Variants in MYT1L observed in about 807,000 individuals in gnomAD.
The protein encoded by MYT1L is myelin transcription factor 1 like.
MYT1L carries 12 observed loss-of-function variants against 126.7 expected under a neutral mutation model. That is an observed-to-expected ratio of 0.09 (90% CI 0.06 to 0.15). MYT1L has a LOEUF of 0.15. Among genes scored for constraint, MYT1L ranks in the 10% least tolerant of loss-of-function variants. MYT1L has a pLI of 1.00. For synonymous variants in MYT1L, 541 were observed against 604.2 expected (o/e 0.90, Z 1.53); for missense variants, 979 against 1,585.2 (o/e 0.62, Z 6.49).
intron 18 of MYT1L, among the ~76,000 whole-genome samples, chr2:1,870,092 T>C (rs1252479226): frequency 6.6e-6 from 1 of 152,222 alleles, no homozygotes; most frequent in Non-Finnish European, 1.5e-5. Flanking sequence ...TGTTGCATGA[T>C]GTCAGTTCTG....
chr2:2,216,061 C>CAGT (rs1441055233), intron 2 of MYT1L, among the ~76,000 whole-genome samples: 18 of 96,786 alleles, frequency 1.9e-4, no homozygotes, highest in Non-Finnish European at 3.2e-4. Context: ...CTCTCTCTCT[C>CAGT]TCTCAGTTCC....
chr2:1,983,495 G>C (rs2060764025), intron 5 of MYT1L, among the ~76,000 whole-genome samples: 1 of 152,226 alleles, frequency 6.6e-6, no homozygotes, highest in Non-Finnish European at 1.5e-5. Context: ...AATGCCAGGA[G>C]GTTTTCATTT....
intron 16 of MYT1L, among the ~76,000 whole-genome samples, chr2:1,888,765 T>C (rs2048459813): frequency 6.6e-6 from 1 of 152,222 alleles, no homozygotes; most frequent in South Asian, 2.1e-4. Context: ...ACTAAAATAG[T>C]TTATTCAAGG....
intron 3 of MYT1L, among the ~76,000 whole-genome samples, chr2:2,079,322 T>G: frequency 6.6e-6 from 1 of 152,206 alleles, no homozygotes; most frequent in East Asian, 1.9e-4. Context: ...AAAAGCTATA[T>G]TATATTGTTT....
chr2:2,208,554 T>C (rs2093394539), intron 2 of MYT1L, among the ~76,000 whole-genome samples: 1 of 152,234 alleles, frequency 6.6e-6, no homozygotes, highest in Non-Finnish European at 1.5e-5. Flanking sequence ...TATTCTCATA[T>C]ACTGACATAC....
At chr2:1,859,936 G>A (rs991835803) in intron 18 of MYT1L, among the ~76,000 whole-genome samples, 3 of 152,244 alleles carry the variant, frequency 2.0e-5, no homozygotes, top group Non-Finnish European at 2.9e-5. Context: ...GGATTCTCTC[G>A]CTGCGGTTTG....
At chr2:2,152,661 T>C (rs529057517) in intron 3 of MYT1L, among the ~76,000 whole-genome samples, 13 of 152,246 alleles carry the variant, frequency 8.5e-5, no homozygotes, top group African/African-American at 2.6e-4. Context: ...CCGTGCATGG[T>C]GTCAAGCTGC....
At chr2:1,870,458 A>G (rs2046139176) in intron 18 of MYT1L, among the ~76,000 whole-genome samples, 1 of 152,164 alleles carries the variant, frequency 6.6e-6, no homozygotes, top group Non-Finnish European at 1.5e-5. Flanking sequence ...GATAGGGTTG[A>G]GGTGGCCATA....
chr2:1,926,291 C>T (rs2054221561), intron 9 of MYT1L, among the ~76,000 whole-genome samples: 1 of 152,182 alleles, frequency 6.6e-6, no homozygotes, highest in Non-Finnish European at 1.5e-5. Flanking sequence ...AATCCATCAA[C>T]AAGCAGGCTC....
At chr2:2,241,678 C>A (rs1438275148) in intron 2 of MYT1L, among the ~76,000 whole-genome samples, 1 of 152,168 alleles carries the variant, frequency 6.6e-6, no homozygotes, top group Non-Finnish European at 1.5e-5. Flanking sequence ...TGTATAGGAG[C>A]ATAATTCACA....
At chr2:2,242,242 T>C (rs956648653) in intron 2 of MYT1L, among the ~76,000 whole-genome samples, 18 of 152,194 alleles carry the variant, frequency 1.2e-4, no homozygotes, top group Non-Finnish European at 2.2e-4. Flanking sequence ...TCTTTTTCCC[T>C]CTGCCAATCT....
chr2:1,926,540 G>A (rs1346399787), intron 9 of MYT1L, among the ~76,000 whole-genome samples: 1 of 152,162 alleles, frequency 6.6e-6, no homozygotes, highest in Non-Finnish European at 1.5e-5. Flanking sequence ...TCAAAAAGCA[G>A]GAGGCCATTT....
Position 1,889,556 on chromosome 2 carries a change from C to G in MYT1L, c.2284-79G>C. ...CGAGTCCTTCCTCCCAGATTACAGT[C>G]CTGCCGTCAGCCAGTGTAGCGTTCA... is the stretch of plus-strand genomic sequence containing the variant. On this transcript the variant is annotated intron_variant, in intron 15 of 24. Coordinates refer to ENST00000647738, the MANE Select transcript of MYT1L (RefSeq NM_001303052.2). This position sits in a 1 kb window ranked among gnomAD's most constrained non-coding sequence, Gnocchi z 4.1. The G allele has an allele frequency of 8.4e-7, 1 of 1,186,980 alleles. No individual in the cohort carries two copies. Among genetic ancestry groups the G allele is most frequent in the South Asian group, 1.5e-5 (1 of 67,032 alleles). 73.5% of individuals were successfully genotyped at this position (1,186,980 alleles called of 1,614,324 possible). A position where few individuals can be genotyped will look rare whatever the true frequency, so the allele number is the denominator to read the frequency against.
At chr2:2,295,316 T>C (rs996774512) in intron 1 of MYT1L, among the ~76,000 whole-genome samples, 4 of 152,162 alleles carry the variant, frequency 2.6e-5, no homozygotes, top group Admixed American at 6.5e-5. Flanking sequence ...GCAATACACC[T>C]GGAACAGGAG....
intron 2 of MYT1L, among the ~76,000 whole-genome samples, chr2:2,246,837 A>C (rs1215752134): frequency 6.6e-6 from 1 of 152,178 alleles, no homozygotes; most frequent in Non-Finnish European, 1.5e-5. Flanking sequence ...ATTACACCTC[A>C]AGTTTATGAA....
chr2:1,909,798 C>T (rs2051654478), intron 13 of MYT1L, among the ~76,000 whole-genome samples: 1 of 152,200 alleles, frequency 6.6e-6, no homozygotes, highest in South Asian at 2.1e-4. Context: ...CACGCGAGAG[C>T]TTCCACACGT....
chr2:2,186,317 C>CGG (rs2092188776), intron 2 of MYT1L, among the ~76,000 whole-genome samples: 2 of 151,496 alleles, frequency 1.3e-5, no homozygotes, highest in African/African-American at 4.9e-5. Flanking sequence ...TCCCCGAGTT[C>CGG]CGCGGTCATT....
intron 2 of MYT1L, among the ~76,000 whole-genome samples, chr2:2,180,583 C>T (rs775541446): frequency 1.7e-4 from 24 of 144,690 alleles, no homozygotes; most frequent in Admixed American, 3.4e-4. Flanking sequence ...CCTGTGTGTG[C>T]GCCTATGTGT....
At chr2:1,975,443 G>A (rs182548350) in intron 8 of MYT1L, among the ~76,000 whole-genome samples, 80 of 152,322 alleles carry the variant, frequency 5.3e-4, no homozygotes, top group Middle Eastern at 3.4e-3. Flanking sequence ...AAGACTAAAT[G>A]GCAGGCTGGG....
Sources: allele counts gnomAD v4.1 joint callset (sites outside exome capture counted in the v4.1 genomes callset), GRCh38; gene constraint gnomAD v4.1.1; non-coding constraint Gnocchi (gnomAD v3.1); transcripts MANE v1.5; gene names NCBI Gene and HGNC (gene_info 2026-07-23, HGNC 2026-07-21).